The following TBCA variants were observed in gnomAD, a reference collection of about 807,000 sequenced individuals.
TBCA encodes tubulin-specific chaperone A.
Under a neutral mutation model 15.8 loss-of-function variants are expected in TBCA, and 6 were observed. The ratio of observed to expected loss-of-function variants is 0.38; its 90% CI spans 0.21 to 0.75. The LOEUF is 0.75. Among genes scored for constraint, TBCA ranks in the 30% least tolerant of loss-of-function variants. TBCA has a pLI of 0.46. For synonymous variants in TBCA, 32 were observed against 42.3 expected, an observed-to-expected ratio of 0.76 and a Z score of 0.94; for missense variants, 90 against 131.2, an observed-to-expected ratio of 0.69 and a Z score of 1.53.
At chr5:77,761,000 C>A (rs1747615634) in intron 1 of TBCA, among the ~76,000 whole-genome samples, 1 of 150,416 alleles carries the variant, frequency 6.6e-6, no homozygotes, top group Admixed American at 6.6e-5. Context: ...CGGCCGCCAC[C>A]CCGTCTGGGA....
At chr5:77,733,284 G>A (rs13179053) in intron 1 of TBCA, among the ~76,000 whole-genome samples, 16,238 of 152,080 alleles carry the variant, frequency 0.11, 930 homozygotes, top group Middle Eastern at 0.13. Flanking sequence ...CTATCTCAAG[G>A]GAGAAAAAAA....
rs1331822603 is a variant in TBCA, at chr5:77,708,313, C to T, written c.88G>A (p.Ala30Thr). ...VKEKVMYEKEAKQQEEKIEKM... is the reference protein window; with the variant it reads ...VKEKVMYEKETKQQEEKIEKM... The stretch of plus-strand genomic sequence containing the variant: ...TCAATCTTTTCTTCTTGTTGTTTTG[C>T]CTCTTTTTCATACATCACTTTTTCT... Residue 30 changes from alanine (A) to threonine (T), a missense_variant, in exon 2 of 4, where the codon GCA (alanine) becomes ACA (threonine). Physicochemically the swap from Ala to Thr is moderately conservative, Grantham distance 58. Coordinates refer to ENST00000380377, the MANE Select transcript of TBCA (RefSeq NM_004607.3). 3.7e-6 allele frequency: 6 copies of T among 1,610,768 alleles called. No individual in the cohort carries two copies. The South Asian group carries it at 6.6e-5, about 18-fold the overall frequency.
rs139050259 is a variant in TBCA, at chr5:77,775,060, C to A, written c.53+1145G>T. On this transcript the variant is annotated intron_variant, in intron 1 of 3. Transcript: ENST00000380377. Reference sequence around the variant, plus strand: ...TTCCTTGTGGGCCTCAAGACCTTCACTCTAAAACAGTTCTGTTGTATTTCA... The same window carrying A: ...TTCCTTGTGGGCCTCAAGACCTTCAATCTAAAACAGTTCTGTTGTATTTCA... 1.4e-3 allele frequency among the ~76,000 whole-genome samples: 205 copies of A among 151,384 alleles called. 1 individual carries two copies. Among genetic ancestry groups the A allele is most frequent in the Non-Finnish European group, 2.6e-3 (175 of 67,920 alleles).
chr5:77,738,948 C>T (rs961752049), intron 1 of TBCA, among the ~76,000 whole-genome samples: 1 of 152,110 alleles, frequency 6.6e-6, no homozygotes, highest in Non-Finnish European at 1.5e-5. Context: ...TAGGCAGGGT[C>T]ATAATCCATG....
intron 1 of TBCA, among the ~76,000 whole-genome samples, chr5:77,734,328 G>A (rs1408840674): frequency 6.6e-6 from 1 of 152,110 alleles, no homozygotes; most frequent in Non-Finnish European, 1.5e-5. Flanking sequence ...GATGGATCTG[G>A]GTAAAGAAAA....
chr5:77,734,464 A>G (rs144536387), intron 1 of TBCA, among the ~76,000 whole-genome samples: 2 of 152,298 alleles, frequency 1.3e-5, no homozygotes, highest in Non-Finnish European at 2.9e-5. Flanking sequence ...ACCTGCACAG[A>G]TAACTTTGAG....
At chr5:77,769,251 T>G (rs1330460620) in intron 1 of TBCA, among the ~76,000 whole-genome samples, 3 of 152,172 alleles carry the variant, frequency 2.0e-5, no homozygotes, top group African/African-American at 2.4e-5. Flanking sequence ...ACTAGCTAAA[T>G]TTCAAAGTAG....
In TBCA at chr5:77,776,314, G is replaced by A. The variant is rs556453220; in HGVS notation, c.-57C>T. The A allele has an allele frequency of 3.9e-6, 6 of 1,546,388 alleles. No homozygotes were observed. The East Asian group carries it at 7.3e-5, about 19-fold the overall frequency. ...GAGAGCCGGGGTAACCGTGGAGGGC[G>A]ACGCGCAGAGGCTGCGGCTATTTAG... On this transcript the variant is annotated 5_prime_UTR_variant, in exon 1 of 4. Coordinates refer to ENST00000380377, the MANE Select transcript of TBCA (RefSeq NM_004607.3).
At chr5:77,693,070 A>C (rs1479963852) in intron 3 of TBCA, 196 bp downstream of exon 3, 49 of 1,450,218 alleles carry the variant, frequency 3.4e-5, no homozygotes, top group Non-Finnish European at 4.0e-5. Flanking sequence ...CATGCTAGAA[A>C]ACAGTACTTT....
At chr5:77,693,979 T>C (rs2112418647) in intron 2 of TBCA, among the ~76,000 whole-genome samples, 2 of 152,272 alleles carry the variant, frequency 1.3e-5, no homozygotes, top group East Asian at 3.9e-4. Flanking sequence ...ATAAACTATT[T>C]CCCCTGCTGT....
intron 1 of TBCA, among the ~76,000 whole-genome samples, chr5:77,770,182 T>C (rs142622967): frequency 3.8e-4 from 58 of 152,336 alleles, no homozygotes; most frequent in African/African-American, 1.3e-3. Context: ...GGAAACTTTT[T>C]TGGTGCAGAT....
At chr5:77,747,736 T>A (rs999827440) in intron 1 of TBCA, among the ~76,000 whole-genome samples, 1 of 152,180 alleles carries the variant, frequency 6.6e-6, no homozygotes, top group Non-Finnish European at 1.5e-5. Flanking sequence ...TCTTATTCTA[T>A]TTGGCTAGAT....
chr5:77,726,570 T>C (rs952184716), intron 1 of TBCA, among the ~76,000 whole-genome samples: 1 of 152,224 alleles, frequency 6.6e-6, no homozygotes, highest in African/African-American at 2.4e-5. Flanking sequence ...TATGAGGTTA[T>C]TATTTGTAGT....
chr5:77,724,235 T>C (rs1440643546), intron 1 of TBCA, among the ~76,000 whole-genome samples: 3 of 152,112 alleles, frequency 2.0e-5, no homozygotes, highest in Non-Finnish European at 4.4e-5. Flanking sequence ...ATCTGTCATA[T>C]GTGCTTTTTT....
intron 1 of TBCA, among the ~76,000 whole-genome samples, chr5:77,749,224 A>G (rs1238853092): frequency 6.6e-6 from 1 of 152,252 alleles, no homozygotes; most frequent in African/African-American, 2.4e-5. Context: ...ACTGTTCACA[A>G]GAAGGTGATG....
intron 1 of TBCA, among the ~76,000 whole-genome samples, chr5:77,763,087 C>CA (rs1484211278): frequency 6.6e-6 from 1 of 151,854 alleles, no homozygotes; most frequent in Admixed American, 6.6e-5. Context: ...ACTAAAAATA[C>CA]AAAAAAATTA....
intron 1 of TBCA, among the ~76,000 whole-genome samples, chr5:77,735,366 C>T (rs1265559291): frequency 1.3e-5 from 2 of 152,156 alleles, no homozygotes; most frequent in African/African-American, 2.4e-5. Flanking sequence ...TGTTTATCTA[C>T]CGAGACATGC....
chr5:77,694,732 G>A (rs1452963281), intron 2 of TBCA, among the ~76,000 whole-genome samples: 1 of 152,108 alleles, frequency 6.6e-6, no homozygotes, highest in Non-Finnish European at 1.5e-5. Context: ...GAAACTTTAA[G>A]TCCCAGTACC....
chr5:77,728,777 A>T (rs1312881271), intron 1 of TBCA, among the ~76,000 whole-genome samples: 1 of 152,162 alleles, frequency 6.6e-6, no homozygotes, highest in Non-Finnish European at 1.5e-5. Flanking sequence ...TTGGAACATA[A>T]CCTGACATAG....
Sources: gnomAD v4.1 joint callset for allele counts (sites outside exome capture counted in the v4.1 genomes callset) on GRCh38, gnomAD v4.1.1 for gene constraint, MANE v1.5 for transcripts, NCBI Gene and HGNC (gene_info 2026-07-23, HGNC 2026-07-21) for gene names.